NECTIN3: variants seen among roughly 807,000 people sequenced by gnomAD.
The protein encoded by NECTIN3 is nectin cell adhesion molecule 3.
NECTIN3 carries 8 observed loss-of-function variants against 49.4 expected under a neutral mutation model. That is an observed-to-expected ratio of 0.16 (90% confidence interval 0.10 to 0.29). NECTIN3 has a LOEUF of 0.29. Ranked by LOEUF, NECTIN3 falls within the 10% of genes least tolerant of loss-of-function variation. The pLI, the probability that NECTIN3 is intolerant of heterozygous loss-of-function variation, is 1.00. For synonymous variants in NECTIN3, 277 were observed against 241.1 expected, an observed-to-expected ratio of 1.15 and a Z score of -1.38; for missense variants, 581 against 654.6, an observed-to-expected ratio of 0.89 and a Z score of 1.23.
chr3:111,170,024 T>A (rs2035403623), intron 7 of NECTIN3, among the ~76,000 whole-genome samples: 1 of 152,206 alleles, frequency 6.6e-6, no homozygotes, highest in African/African-American at 2.4e-5. Context: ...TGTGCCCCCC[T>A]TTGTCTCTAT....
chr3:111,136,428 T>G lies in NECTIN3; in HGVS notation c.*2213T>G. ...AGCCACAAGTGAGTATTTGACATATTCTGTATCCTTAATCCAATCATTTGG... is the reference window on the plus strand; with the variant it reads ...AGCCACAAGTGAGTATTTGACATATGCTGTATCCTTAATCCAATCATTTGG... On this transcript the variant is annotated 3_prime_UTR_variant, in exon 6 of 6. Transcript: ENST00000485303. The G allele has an allele frequency of 1.0e-6, 1 of 984,206 alleles. No homozygotes were observed. Among genetic ancestry groups the G allele is most frequent in the Non-Finnish European group, 1.2e-6 (1 of 829,010 alleles). The allele number at this position is 984,206 out of a possible 1,614,324, so 61.0% of individuals were successfully genotyped here.
chr3:111,177,943 A>G (rs1478442494), intron 7 of NECTIN3, among the ~76,000 whole-genome samples: 2 of 152,222 alleles, frequency 1.3e-5, no homozygotes, highest in Non-Finnish European at 2.9e-5. Context: ...TTTGCTTTGC[A>G]TATGTATTAA....
chr3:111,093,655 C>G (rs1351462656), intron 1 of NECTIN3, among the ~76,000 whole-genome samples: 2 of 151,992 alleles, frequency 1.3e-5, no homozygotes, highest in Non-Finnish European at 1.5e-5. Flanking sequence ...AGGCTGGCCT[C>G]GAACTCCTAA....
chr3:111,170,022 C>A (rs150449154), intron 7 of NECTIN3, among the ~76,000 whole-genome samples: 1 of 152,170 alleles, frequency 6.6e-6, no homozygotes, highest in African/African-American at 2.4e-5. Flanking sequence ...TGTGTGCCCC[C>A]CTTTGTCTCT....
intron 7 of NECTIN3, among the ~76,000 whole-genome samples, chr3:111,158,669 A>G (rs2035147656): frequency 6.6e-6 from 1 of 152,162 alleles, no homozygotes; most frequent in African/African-American, 2.4e-5. Context: ...TTGTTAAACC[A>G]TGTGTGCATG....
chr3:111,151,830 A>G (rs1382077), intron 7 of NECTIN3, among the ~76,000 whole-genome samples: 23,150 of 151,670 alleles, frequency 0.15, 3,884 homozygotes, highest in African/African-American at 0.42. Flanking sequence ...TACATACAAA[A>G]CAATATAAAG....
chr3:111,143,040 C>T (rs1451427688), intron 5 of NECTIN3, among the ~76,000 whole-genome samples: 1 of 151,694 alleles, frequency 6.6e-6, no homozygotes, highest in African/African-American at 2.4e-5. Flanking sequence ...TTTCAACTGG[C>T]CTACTATTAA....
Position 111,137,378 on chromosome 3 carries a change from G to A in NECTIN3, c.*3163G>A, listed in dbSNP as rs1481983639. The A allele has an allele frequency of 4.2e-6, 4 of 959,206 alleles. No homozygotes were observed. Among genetic ancestry groups the A allele is most frequent in the South Asian group, 4.8e-5 (1 of 20,722 alleles). The allele number at this position is 959,206 out of a possible 1,614,324, so 59.4% of individuals were successfully genotyped here. A position where few individuals can be genotyped will look rare whatever the true frequency, so the allele number is the denominator to read the frequency against. ...TCCTTTCTCAAATTTTTTGTATATT[G>A]TGTTTGTGTTTGGGTTTTAGTTTGT... On this transcript the variant is annotated 3_prime_UTR_variant, in exon 6 of 6. Transcript: ENST00000485303.
intron 7 of NECTIN3, among the ~76,000 whole-genome samples, chr3:111,155,084 C>T (rs1022310152): frequency 4.6e-5 from 7 of 152,058 alleles, no homozygotes; most frequent in African/African-American, 9.7e-5. Flanking sequence ...ACTACAGGTG[C>T]GCACCACCAG....
At chr3:111,164,884 A>T (rs1057211996) in intron 7 of NECTIN3, among the ~76,000 whole-genome samples, 1 of 152,192 alleles carries the variant, frequency 6.6e-6, no homozygotes, top group African/African-American at 2.4e-5. Context: ...AGTTCAACAC[A>T]CACCACCATG....
intron 5 of NECTIN3, 61 bp downstream of exon 5, chr3:111,126,396 CAATATGATCCTA>C (rs1356117744): frequency 4.5e-6 from 6 of 1,332,452 alleles, no homozygotes; most frequent in Non-Finnish European, 6.3e-6. Flanking sequence ...ATCATAGTAA[CAATATGATCCTA>C]AGCAATAATT....
intron 1 of NECTIN3, among the ~76,000 whole-genome samples, chr3:111,085,558 T>C (rs1172044111): frequency 6.6e-6 from 1 of 152,206 alleles, no homozygotes; most frequent in African/African-American, 2.4e-5. Context: ...AGTCCTTCTC[T>C]CATACTCCTC....
Position 111,135,552 on chromosome 3 carries a change from G to C in NECTIN3, c.*1337G>C. On this transcript the variant is annotated 3_prime_UTR_variant, in exon 6 of 6. Coordinates refer to ENST00000485303, the MANE Select transcript of NECTIN3 (RefSeq NM_015480.3). ...TTATTGTGACAACTATTTTGAAGCTGAAAGGATAGTTTTTCTATTGCTAAG... is the reference window on the plus strand; with the variant it reads ...TTATTGTGACAACTATTTTGAAGCTCAAAGGATAGTTTTTCTATTGCTAAG... 1 of 981,370 alleles carries C rather than the reference G, an allele frequency of 1.0e-6. No homozygotes were observed. Among genetic ancestry groups the C allele is most frequent in the Non-Finnish European group, 1.2e-6 (1 of 826,376 alleles). 60.8% of individuals were successfully genotyped at this position (981,370 alleles called of 1,614,324 possible).
At chr3:111,088,942 T>G (rs1006078185) in intron 1 of NECTIN3, among the ~76,000 whole-genome samples, 2 of 152,154 alleles carry the variant, frequency 1.3e-5, no homozygotes, top group Non-Finnish European at 2.9e-5. Context: ...GCATGTAGTT[T>G]TCTTTTTAAG....
intron 7 of NECTIN3, among the ~76,000 whole-genome samples, chr3:111,154,939 T>A (rs2035068099): frequency 6.6e-6 from 1 of 152,184 alleles, no homozygotes; most frequent in East Asian, 1.9e-4. Flanking sequence ...TCATTCTCTT[T>A]AACAGTGACT....
chr3:111,137,383 T>C lies in NECTIN3; in HGVS notation c.*3168T>C. 1.0e-6 allele frequency: 1 copy of C among 958,654 alleles called. No homozygotes were observed. The highest frequency in any genetic ancestry group is 1.2e-6 in the Non-Finnish European group (1 of 806,154). 59.4% of individuals were successfully genotyped at this position (958,654 alleles called of 1,614,324 possible). A position where few individuals can be genotyped will look rare whatever the true frequency, so the allele number is the denominator to read the frequency against. On this transcript the variant is annotated 3_prime_UTR_variant, in exon 6 of 6. Transcript: ENST00000485303. ...TCTCAAATTTTTTGTATATTGTGTT[T>C]GTGTTTGGGTTTTAGTTTGTACCCG...
At chr3:111,094,474 G>T (rs76752007) in intron 1 of NECTIN3, among the ~76,000 whole-genome samples, 1 of 152,076 alleles carries the variant, frequency 6.6e-6, no homozygotes, top group Non-Finnish European at 1.5e-5. Context: ...TTTCATAAAA[G>T]ATACGTTAAA....
Position 111,137,309 on chromosome 3 carries a change from T to A in NECTIN3, c.*3094T>A, listed in dbSNP as rs2034614224. ...AGTAGATTGTAGATTGAATTGTCTT[T>A]CCTGTTTACTTGTTAATTAGAAAAT... On this transcript the variant is annotated 3_prime_UTR_variant, in exon 6 of 6. Transcript: ENST00000485303. The A allele has an allele frequency of 2.1e-6, 2 of 971,030 alleles. No individual in the cohort carries two copies. The highest frequency in any genetic ancestry group is 9.5e-5 in the South Asian group (2 of 20,976). 60.2% of individuals were successfully genotyped at this position (971,030 alleles called of 1,614,324 possible).
intron 4 of NECTIN3, among the ~76,000 whole-genome samples, chr3:111,124,153 C>A (rs1051482653): frequency 4.6e-5 from 7 of 152,036 alleles, no homozygotes; most frequent in African/African-American, 1.4e-4. Flanking sequence ...AAATGGGAAG[C>A]AGTCATTAGT....
Sources: gnomAD v4.1 joint callset for allele counts (sites outside exome capture counted in the v4.1 genomes callset) on GRCh38, gnomAD v4.1.1 for gene constraint, MANE v1.5 for transcripts, NCBI Gene and HGNC (gene_info 2026-07-23, HGNC 2026-07-21) for gene names.